MLLT10: variants seen among roughly 807,000 people sequenced by gnomAD.
MLLT10 encodes the protein MLLT10 histone lysine methyltransferase DOT1L cofactor, also known as protein AF-10.
Under a neutral mutation model 129.1 loss-of-function variants are expected in MLLT10, and 30 were observed. The observed-to-expected ratio is 0.23, with a 90% CI of 0.17 to 0.32. The LOEUF is 0.32. Among genes scored for constraint, MLLT10 ranks in the 10% least tolerant of loss-of-function variants. The pLI is 1.00. For missense variants in MLLT10, 1,119 were observed against 1,268.3 expected, an observed-to-expected ratio of 0.88 and a Z score of 1.79; for synonymous variants, 490 against 446.4, an observed-to-expected ratio of 1.10 and a Z score of -1.23.
chr10:21,686,701 G>A lies in MLLT10; in HGVS notation c.1699+4444G>A, dbSNP rs931855685. On this transcript the variant is annotated intron_variant, in intron 13 of 22. Transcript: ENST00000307729. ...CTGTAAATATATAATATTTCCTTGG[G>A]GCCGTGCATGGTGGCTCATGCCTGC... Among the ~76,000 whole-genome samples the A allele has an allele frequency of 5.9e-5, 9 of 152,146 alleles. No individual in the cohort carries two copies. The South Asian group carries it at 1.9e-3, about 32-fold the overall frequency.
At chr10:21,717,022 C>T (rs896242930) in intron 14 of MLLT10, among the ~76,000 whole-genome samples, 7 of 151,514 alleles carry the variant, frequency 4.6e-5, no homozygotes, top group African/African-American at 1.2e-4. Context: ...TTTGGGAGGC[C>T]GAGGCGGGTG....
chr10:21,709,739 C>G (rs1415176223), intron 13 of MLLT10, among the ~76,000 whole-genome samples: 1 of 151,920 alleles, frequency 6.6e-6, no homozygotes, highest in East Asian at 1.9e-4. Flanking sequence ...TCTTTTTCTT[C>G]CTTTCCTTTC....
chr10:21,584,646 C>T (rs1224171157), intron 3 of MLLT10, among the ~76,000 whole-genome samples: 2 of 151,730 alleles, frequency 1.3e-5, no homozygotes, highest in African/African-American at 4.8e-5. Flanking sequence ...GCTTTCTGTA[C>T]TTTTAATACT....
At chr10:21,692,737 T>C (rs945884009) in intron 13 of MLLT10, among the ~76,000 whole-genome samples, 1 of 152,086 alleles carries the variant, frequency 6.6e-6, no homozygotes, top group Non-Finnish European at 1.5e-5. Flanking sequence ...TCCTCCTGCC[T>C]TGGCCTCCCG....
chr10:21,635,432 A>G (rs987773030), intron 8 of MLLT10, among the ~76,000 whole-genome samples: 1 of 151,936 alleles, frequency 6.6e-6, no homozygotes, highest in Non-Finnish European at 1.5e-5. Context: ...GTGCAGTGGC[A>G]TGATGTTGGC....
intron 4 of MLLT10, among the ~76,000 whole-genome samples, chr10:21,590,266 T>C (rs753966875): frequency 2.0e-5 from 3 of 152,130 alleles, no homozygotes; most frequent in Non-Finnish European, 2.9e-5. Flanking sequence ...AAGTCAATTT[T>C]GGTGCGCTCT....
chr10:21,587,906 C>T (rs1253032992), intron 4 of MLLT10, among the ~76,000 whole-genome samples: 1 of 152,152 alleles, frequency 6.6e-6, no homozygotes, highest in Non-Finnish European at 1.5e-5. Flanking sequence ...TAATTACTTT[C>T]TTGCATATCT....
At chr10:21,687,880 G>A (rs1392468962) in intron 13 of MLLT10, among the ~76,000 whole-genome samples, 1 of 152,122 alleles carries the variant, frequency 6.6e-6, no homozygotes, top group Admixed American at 6.5e-5. Context: ...TTATGGGCAG[G>A]GTTGTGATTA....
chr10:21,569,526 T>G (rs1223676242), intron 3 of MLLT10, among the ~76,000 whole-genome samples: 2 of 151,664 alleles, frequency 1.3e-5, no homozygotes, highest in African/African-American at 4.8e-5. Flanking sequence ...GTTCAAGCGA[T>G]TCTCCTGCCT....
intron 13 of MLLT10, among the ~76,000 whole-genome samples, chr10:21,712,175 T>C (rs534766222): frequency 6.6e-6 from 1 of 150,620 alleles, no homozygotes; most frequent in East Asian, 1.9e-4. Context: ...TTCTAGGTGC[T>C]TTAATTTATT....
intron 2 of MLLT10, among the ~76,000 whole-genome samples, chr10:21,535,991 T>C (rs1197285809): frequency 6.6e-6 from 1 of 152,252 alleles, no homozygotes; most frequent in East Asian, 1.9e-4. Context: ...CAGGCTGTAG[T>C]GCAGTGGTGC....
At chr10:21,639,629 A>G (rs181583245) in intron 8 of MLLT10, among the ~76,000 whole-genome samples, 2 of 152,308 alleles carry the variant, frequency 1.3e-5, no homozygotes, top group Admixed American at 6.5e-5. Context: ...TGACTGAAGC[A>G]TGGACACCTG....
chr10:21,615,731 C>T (rs2045186823), intron 7 of MLLT10, among the ~76,000 whole-genome samples: 1 of 151,814 alleles, frequency 6.6e-6, no homozygotes, highest in Non-Finnish European at 1.5e-5. Context: ...GCTTAAAAAC[C>T]TTCAGAAAAA....
chr10:21,635,449 C>T (rs920692872), intron 8 of MLLT10, among the ~76,000 whole-genome samples: 1 of 152,144 alleles, frequency 6.6e-6, no homozygotes, highest in Non-Finnish European at 1.5e-5. Flanking sequence ...TGGCTCGCTG[C>T]AGCCTCTGCC....
intron 9 of MLLT10, among the ~76,000 whole-genome samples, chr10:21,664,687 A>G (rs2050573500): frequency 6.6e-6 from 1 of 151,956 alleles, no homozygotes; most frequent in African/African-American, 2.4e-5. Flanking sequence ...AGTTTTCTAT[A>G]TCCTTACTCG....
intron 21 of MLLT10, among the ~76,000 whole-genome samples, chr10:21,737,744 C>T (rs1330719401): frequency 2.0e-5 from 3 of 151,986 alleles, no homozygotes; most frequent in Non-Finnish European, 1.5e-5. Flanking sequence ...TGTGGACAGT[C>T]GTGGGGCTTC....
intron 4 of MLLT10, among the ~76,000 whole-genome samples, chr10:21,593,457 AT>A (rs2042703763): frequency 6.6e-6 from 1 of 152,064 alleles, no homozygotes; most frequent in East Asian, 1.9e-4. Flanking sequence ...ATTTGCATCA[AT>A]TTAGAATTTT....
chr10:21,542,939 T>G (rs2035441161), intron 3 of MLLT10, among the ~76,000 whole-genome samples: 1 of 151,900 alleles, frequency 6.6e-6, no homozygotes, highest in Admixed American at 6.6e-5. Context: ...TTTGGTGGGA[T>G]GTGGGTGACA....
intron 3 of MLLT10, chr10:21,557,102 C>T: frequency 7.1e-7 from 1 of 1,398,742 alleles, no homozygotes. Flanking sequence ...ATTCTGCTTT[C>T]CATTTACATT....
Sources: allele counts gnomAD v4.1 joint callset (sites outside exome capture counted in the v4.1 genomes callset), GRCh38; gene constraint gnomAD v4.1.1; transcripts MANE v1.5; gene names NCBI Gene and HGNC (gene_info 2026-07-23, HGNC 2026-07-21).